GLRB: variants seen among roughly 807,000 people sequenced by gnomAD.
GLRB encodes glycine receptor beta, also known as glycine receptor subunit beta.
Under a neutral mutation model 54.2 loss-of-function variants are expected in GLRB, and 33 were observed. That is an observed-to-expected ratio of 0.61 (90% confidence interval 0.46 to 0.81). The LOEUF (loss-of-function observed/expected upper bound fraction) is 0.81. Among genes scored for constraint, GLRB ranks in the 40% least tolerant of loss-of-function variants. The pLI is 0.00. For missense variants in GLRB, 572 were observed against 584.6 expected (o/e 0.98, Z 0.22); for synonymous variants, 209 against 208.2 (o/e 1.00, Z -0.03).
At chr4:157,145,766 C>G (rs76979831) in intron 8 of GLRB, among the ~76,000 whole-genome samples, 2 of 151,956 alleles carry the variant, frequency 1.3e-5, no homozygotes, top group Non-Finnish European at 2.9e-5. Flanking sequence ...AGAAAGGCCA[C>G]AGTGAGAGGG....
At chr4:157,128,167 G>A (rs1304339782) in intron 4 of GLRB, among the ~76,000 whole-genome samples, 1 of 151,620 alleles carries the variant, frequency 6.6e-6, no homozygotes, top group Non-Finnish European at 1.5e-5. Context: ...ATTCTATTAA[G>A]GATGTAATTT....
At chr4:157,151,429 TAC>T (rs1737018511) in intron 8 of GLRB, among the ~76,000 whole-genome samples, 1 of 152,092 alleles carries the variant, frequency 6.6e-6, no homozygotes, top group South Asian at 2.1e-4. Flanking sequence ...ATGTAAGACC[TAC>T]ATTAACTTTT....
chr4:157,123,254 A>G (rs1471485226), intron 4 of GLRB, among the ~76,000 whole-genome samples: 4 of 151,710 alleles, frequency 2.6e-5, no homozygotes, highest in African/African-American at 4.8e-5. Context: ...TAAATATAAG[A>G]TTTTGATTGC....
intron 9 of GLRB, among the ~76,000 whole-genome samples, chr4:157,163,706 A>C (rs1360057589): frequency 6.6e-6 from 1 of 152,048 alleles, no homozygotes; most frequent in African/African-American, 2.4e-5. Context: ...CTTTAGCTCC[A>C]AATCTGGGAT....
chr4:157,089,526 C>T (rs769341461), intron 2 of GLRB, among the ~76,000 whole-genome samples: 7 of 152,166 alleles, frequency 4.6e-5, no homozygotes, highest in Admixed American at 4.6e-4. Context: ...AAACAATCTC[C>T]GATTTCACCC....
chr4:157,164,999 G>A (rs1281171770), intron 9 of GLRB, among the ~76,000 whole-genome samples: 1 of 152,238 alleles, frequency 6.6e-6, no homozygotes, highest in Admixed American at 6.5e-5. Context: ...TGAAACTGCT[G>A]TGACATTTTG....
At chr4:157,082,538 A>G (rs930569980) in intron 2 of GLRB, among the ~76,000 whole-genome samples, 2 of 152,188 alleles carry the variant, frequency 1.3e-5, no homozygotes, top group Non-Finnish European at 2.9e-5. Flanking sequence ...GATTTTGTTA[A>G]GTTACCTGAA....
chr4:157,084,476 TTA>T (rs1490528904), intron 2 of GLRB, among the ~76,000 whole-genome samples: 1 of 152,206 alleles, frequency 6.6e-6, no homozygotes, highest in Non-Finnish European at 1.5e-5. Flanking sequence ...ACCTTCTAAA[TTA>T]TCTTTCCTTC....
chr4:157,150,406 G>A (rs899979962), intron 8 of GLRB, among the ~76,000 whole-genome samples: 2 of 151,960 alleles, frequency 1.3e-5, no homozygotes, highest in African/African-American at 4.8e-5. Flanking sequence ...AACCGAATGT[G>A]TGGAATTATG....
intron 2 of GLRB, among the ~76,000 whole-genome samples, chr4:157,079,417 G>A (rs1029490000): frequency 3.9e-5 from 6 of 152,122 alleles, no homozygotes; most frequent in Admixed American, 2.0e-4. Flanking sequence ...TTTGTAATAG[G>A]TGTTTGTATG....
intron 4 of GLRB, among the ~76,000 whole-genome samples, chr4:157,128,796 C>G (rs1328692879): frequency 6.6e-6 from 1 of 151,866 alleles, no homozygotes; most frequent in Middle Eastern, 3.4e-3. Flanking sequence ...GGGTAACTTG[C>G]AATTCTTATA....
chr4:157,120,571 G>C lies in GLRB; in HGVS notation c.138G>C (p.Glu46Asp). 6.3e-7 allele frequency: 1 copy of C among 1,586,736 alleles called. No homozygotes were observed. Residue 46 changes from glutamate to aspartate, a missense_variant, in exon 3 of 10, where the codon GAG (glutamate) becomes GAC (aspartate). Coordinates refer to ENST00000264428, the MANE Select transcript of GLRB (RefSeq NM_000824.5). ...QYLCPSQQSA[E>D]DLARVPANST... ...TCTCTTATAGTCAGCAGTCAGCAGA[G>C]GACCTTGCCCGAGTACCTGCCAACT...
intron 2 of GLRB, among the ~76,000 whole-genome samples, chr4:157,115,160 T>C (rs1056570926): frequency 6.6e-6 from 1 of 151,868 alleles, no homozygotes; most frequent in African/African-American, 2.4e-5. Context: ...AATACTACTT[T>C]ATTTTGTTGC....
chr4:157,097,575 A>G (rs1257382888), intron 2 of GLRB, among the ~76,000 whole-genome samples: 1 of 152,216 alleles, frequency 6.6e-6, no homozygotes, highest in Non-Finnish European at 1.5e-5. Context: ...TAGGGCACCC[A>G]AATTTGTCCA....
chr4:157,109,003 AT>A (rs1216264652), intron 2 of GLRB, among the ~76,000 whole-genome samples: 1 of 152,072 alleles, frequency 6.6e-6, no homozygotes, highest in Non-Finnish European at 1.5e-5. Context: ...GATTGTTAGC[AT>A]TTTTTAGTGA....
intron 6 of GLRB, 77 bp from the exon 7 acceptor site, chr4:157,138,732 A>C: frequency 1.3e-6 from 1 of 781,944 alleles, no homozygotes; most frequent in Admixed American, 2.1e-5. Context: ...GCTATGTTTA[A>C]GATTTGAATT....
intron 2 of GLRB, among the ~76,000 whole-genome samples, chr4:157,080,656 G>A (rs1271765433): frequency 6.6e-6 from 1 of 152,152 alleles, no homozygotes; most frequent in Non-Finnish European, 1.5e-5. Flanking sequence ...CTTAGCCTGT[G>A]TAAGTTGCTT....
At chr4:157,125,472 G>A (rs1290304418) in intron 4 of GLRB, among the ~76,000 whole-genome samples, 3 of 151,796 alleles carry the variant, frequency 2.0e-5, no homozygotes, top group Non-Finnish European at 4.4e-5. Context: ...TGCCAGTGAT[G>A]ATGACTTTTT....
chr4:157,081,798 GTCT>G (rs1344170327), intron 2 of GLRB, among the ~76,000 whole-genome samples: 1 of 151,990 alleles, frequency 6.6e-6, no homozygotes, highest in African/African-American at 2.4e-5. Flanking sequence ...TCCCAATAGT[GTCT>G]TGAGTCCAGT....
Sources: allele counts gnomAD v4.1 joint callset (sites outside exome capture counted in the v4.1 genomes callset), GRCh38; gene constraint gnomAD v4.1.1; transcripts MANE v1.5; gene names NCBI Gene and HGNC (gene_info 2026-07-23, HGNC 2026-07-21).